GCLC: variants seen among roughly 807,000 people sequenced by gnomAD.
GCLC encodes glutamate-cysteine ligase catalytic subunit.
GCLC carries 30 observed loss-of-function variants against 81.5 expected under a neutral mutation model. The ratio of observed to expected loss-of-function variants is 0.37; its 90% CI spans 0.28 to 0.50. The LOEUF (loss-of-function observed/expected upper bound fraction) is 0.50, where lower values mean the gene tolerates loss of function less well. GCLC is among the 20% of genes least tolerant of loss of function. GCLC has a pLI of 0.96. For missense variants in GCLC, 556 were observed against 777.4 expected (o/e 0.72, Z 3.39); for synonymous variants, 262 against 273.3 (o/e 0.96, Z 0.41).
intron 1 of GCLC, among the ~76,000 whole-genome samples, chr6:53,525,110 C>T (rs1763057672): frequency 6.6e-6 from 1 of 152,202 alleles, no homozygotes; most frequent in Non-Finnish European, 1.5e-5. Flanking sequence ...GAATAATCAT[C>T]AGTTGGAAGC....
At chr6:53,522,097 T>C (rs751508728) in intron 2 of GCLC, among the ~76,000 whole-genome samples, 3 of 152,248 alleles carry the variant, frequency 2.0e-5, no homozygotes, top group Non-Finnish European at 2.9e-5. Context: ...AATGTTTTAA[T>C]AAAAAACAGG....
At chr6:53,499,007 G>GT (rs777523766) in intron 15 of GCLC, 40 bp from the exon 16 acceptor site, 6 of 1,339,176 alleles carry the variant, frequency 4.5e-6, no homozygotes, top group South Asian at 1.2e-5. Flanking sequence ...TTAAAACCAC[G>GT]TAAGTTTTTT....
intron 15 of GCLC, among the ~76,000 whole-genome samples, 162 bp downstream of exon 15, chr6:53,499,883 T>C (rs191484704): frequency 6.6e-6 from 1 of 152,200 alleles, no homozygotes; most frequent in Non-Finnish European, 1.5e-5. Flanking sequence ...ATCTAAATTA[T>C]GAGTGTCAAA....
At chr6:53,534,506 A>G (rs1192473272) in intron 1 of GCLC, among the ~76,000 whole-genome samples, 1 of 150,494 alleles carries the variant, frequency 6.6e-6, no homozygotes, top group Non-Finnish European at 1.5e-5. Context: ...AGAGAGAGGA[A>G]GAGAAAATAT....
rs192786260 is a variant in GCLC, at chr6:53,526,581, A to G, written c.151-4054T>C. On this transcript the variant is annotated intron_variant, in intron 1 of 15. Coordinates refer to ENST00000650454, the MANE Select transcript of GCLC (RefSeq NM_001498.4). The stretch of plus-strand genomic sequence containing the variant: ...TGGGAGGCCGAGGCGGGCGGATCAC[A>G]AGGTCAGGAGATCAAGACCATCCTG... 3.8e-4 allele frequency among the ~76,000 whole-genome samples: 58 copies of G among 152,028 alleles called. No homozygotes were observed. The East Asian group carries it at 0.011, about 29-fold the overall frequency.
At chr6:53,522,634 G>A (rs1433655318) in intron 1 of GCLC, 107 bp from the exon 2 acceptor site, 1 of 715,080 alleles carries the variant, frequency 1.4e-6, no homozygotes, top group Non-Finnish European at 2.5e-6. Context: ...AGGATCCACA[G>A]TAACTCCAGA....
intron 2 of GCLC, among the ~76,000 whole-genome samples, chr6:53,522,026 A>G (rs1013204512): frequency 2.0e-5 from 3 of 152,240 alleles, no homozygotes; most frequent in African/African-American, 4.8e-5. Context: ...TCTGCAACTT[A>G]TATCTTGCAT....
intron 1 of GCLC, among the ~76,000 whole-genome samples, chr6:53,527,369 T>C (rs1763100696): frequency 6.6e-6 from 1 of 152,220 alleles, no homozygotes; most frequent in East Asian, 1.9e-4. Context: ...CTCAGAGACT[T>C]AGTTTTCTCC....
chr6:53,510,529 A>G (rs767687660), intron 6 of GCLC: 5 of 151,870 alleles, frequency 3.3e-5, no homozygotes, highest in Admixed American at 2.6e-4. Flanking sequence ...CACATTTGTA[A>G]TAACTGCAAG....
chr6:53,530,605 G>C (rs546148755), intron 1 of GCLC, among the ~76,000 whole-genome samples: 1 of 152,208 alleles, frequency 6.6e-6, no homozygotes, highest in East Asian at 1.9e-4. Flanking sequence ...CACAGGGCTC[G>C]CTTGCCAGCA....
chr6:53,532,772 G>A (rs1480510847), intron 1 of GCLC, among the ~76,000 whole-genome samples: 1 of 152,028 alleles, frequency 6.6e-6, no homozygotes, highest in African/African-American at 2.4e-5. Flanking sequence ...AGAATCTTGG[G>A]GGAGGGGGAC....
Position 53,520,954 on chromosome 6 carries a change from A to G in GCLC, c.270T>C (p.Pro90=). The change falls in exon 3 of 16, where the codon CCT becomes CCC. Residue 90 remains proline (P), a synonymous_variant. Transcript: ENST00000650454. ...EKGERTNPNH[P]TLWRPEYGSY... ...TCCCATACTCTGGTCTCCAAAGGGT[A>G]GGATGGCTACGGAGGAGAAATAACT... 1 of 1,612,152 alleles carries G rather than the reference A, an allele frequency of 6.2e-7. No individual in the cohort carries two copies. Among genetic ancestry groups the G allele is most frequent in the Non-Finnish European group, 8.5e-7 (1 of 1,178,142 alleles).
At chr6:53,499,405 G>A (rs11962227) in intron 15 of GCLC, among the ~76,000 whole-genome samples, 196 of 152,324 alleles carry the variant, frequency 1.3e-3, no homozygotes, top group Middle Eastern at 6.8e-3. Context: ...ACAGTAAGTA[G>A]AGTGAATGAA....
chr6:53,529,916 G>A (rs1035871069), intron 1 of GCLC, among the ~76,000 whole-genome samples: 1 of 152,234 alleles, frequency 6.6e-6, no homozygotes, highest in Non-Finnish European at 1.5e-5. Flanking sequence ...CCCAGTGGGC[G>A]GTGCCCCGCT....
At chr6:53,516,251 G>C in intron 3 of GCLC, 29 bp from the exon 4 acceptor site, 1 of 1,368,390 alleles carries the variant, frequency 7.3e-7, no homozygotes, top group Non-Finnish European at 1.0e-6. Flanking sequence ...CTAAATAGAT[G>C]GGATTTGTTT....
chr6:53,519,563 C>T (rs1200474850), intron 3 of GCLC, among the ~76,000 whole-genome samples: 3 of 152,206 alleles, frequency 2.0e-5, no homozygotes, highest in Non-Finnish European at 4.4e-5. Flanking sequence ...TCCACAGAGA[C>T]AGAGCTGTCC....
intron 2 of GCLC, among the ~76,000 whole-genome samples, chr6:53,521,531 G>A (rs1762994943): frequency 1.3e-5 from 2 of 152,172 alleles, no homozygotes; most frequent in African/African-American, 2.4e-5. Flanking sequence ...CTGCAGAGAA[G>A]GAGATGAGGC....
chr6:53,538,968 T>G (rs1449822975), intron 1 of GCLC, among the ~76,000 whole-genome samples: 1 of 152,254 alleles, frequency 6.6e-6, no homozygotes, highest in Non-Finnish European at 1.5e-5. Context: ...GTTTAAGGAC[T>G]GGACCTGGAG....
chr6:53,517,800 C>A (rs1433098975), intron 3 of GCLC, among the ~76,000 whole-genome samples: 6 of 152,158 alleles, frequency 3.9e-5, no homozygotes, highest in African/African-American at 1.2e-4. Context: ...CTCCACTATC[C>A]AAACCGATGT....
Sources: allele counts gnomAD v4.1 joint callset (sites outside exome capture counted in the v4.1 genomes callset), GRCh38; gene constraint gnomAD v4.1.1; transcripts MANE v1.5; gene names NCBI Gene and HGNC (gene_info 2026-07-23, HGNC 2026-07-21).